The following SERGEF variants were observed in gnomAD, a reference collection of about 807,000 sequenced individuals.
SERGEF encodes the protein secretion-regulating guanine nucleotide exchange factor.
In SERGEF, 51 loss-of-function variants were observed where a neutral mutation model predicts 50.0. The observed-to-expected ratio is 1.02, with a 90% CI of 0.81 to 1.29. SERGEF has a LOEUF of 1.29. SERGEF is among the 50% of genes most tolerant of loss of function. SERGEF has a pLI of 0.00. For synonymous variants in SERGEF, 205 were observed against 212.4 expected (o/e 0.97, Z 0.30); for missense variants, 521 against 557.0 (o/e 0.94, Z 0.65).
At chr11:17,810,316 T>C (rs1257202702) in intron 10 of SERGEF, among the ~76,000 whole-genome samples, 8 of 152,194 alleles carry the variant, frequency 5.3e-5, no homozygotes, top group Non-Finnish European at 1.2e-4. Flanking sequence ...GCCTGGGATC[T>C]GTCTATCCTC....
At chr11:17,883,907 C>G (rs1318811666) in intron 9 of SERGEF, among the ~76,000 whole-genome samples, 4 of 133,342 alleles carry the variant, frequency 3.0e-5, no homozygotes, top group Non-Finnish European at 5.0e-5. Context: ...CGACAGAACG[C>G]CGCCAGATTG....
intron 10 of SERGEF, among the ~76,000 whole-genome samples, chr11:17,804,659 T>C (rs1849726780): frequency 6.6e-6 from 1 of 152,210 alleles, no homozygotes. Flanking sequence ...CTTCTAACAA[T>C]CAAATAATCA....
chr11:17,920,237 A>C (rs1852128615), intron 9 of SERGEF, among the ~76,000 whole-genome samples: 1 of 152,272 alleles, frequency 6.6e-6, no homozygotes, highest in Non-Finnish European at 1.5e-5. Flanking sequence ...ATAGAGCGAG[A>C]CTCTGTCTCA....
chr11:17,802,892 G>C (rs987626242), intron 10 of SERGEF, among the ~76,000 whole-genome samples: 5 of 152,122 alleles, frequency 3.3e-5, no homozygotes, highest in African/African-American at 1.2e-4. Flanking sequence ...ACTTTTGTTT[G>C]TCTGTTTCCC....
intron 8 of SERGEF, among the ~76,000 whole-genome samples, chr11:17,963,786 C>A (rs1246072889): frequency 6.6e-6 from 1 of 152,212 alleles, no homozygotes; most frequent in Non-Finnish European, 1.5e-5. Context: ...TAAGTACATT[C>A]TCTGTACAGT....
intron 5 of SERGEF, among the ~76,000 whole-genome samples, chr11:18,000,018 T>C (rs1853925713): frequency 1.3e-5 from 2 of 152,248 alleles, no homozygotes; most frequent in Non-Finnish European, 2.9e-5. Context: ...TACCTGCTAA[T>C]GTCTTTCCTA....
intron 10 of SERGEF, among the ~76,000 whole-genome samples, chr11:17,840,176 C>T (rs2133861728): frequency 6.6e-6 from 1 of 152,326 alleles, no homozygotes; most frequent in South Asian, 2.1e-4. Context: ...ATGCCAGCTT[C>T]CCCTGAGTGC....
At chr11:17,981,139 C>G (rs962266046) in intron 8 of SERGEF, among the ~76,000 whole-genome samples, 1 of 152,254 alleles carries the variant, frequency 6.6e-6, no homozygotes, top group Non-Finnish European at 1.5e-5. Context: ...GTCACTCCTT[C>G]GGCCCTTGGC....
intron 8 of SERGEF, among the ~76,000 whole-genome samples, chr11:17,962,278 C>A (rs1853019479): frequency 6.6e-6 from 1 of 152,004 alleles, no homozygotes; most frequent in Admixed American, 6.6e-5. Flanking sequence ...ATGTAGAACT[C>A]AGGACTGTAA....
chr11:17,992,086 A>G (rs1210337158), intron 7 of SERGEF, among the ~76,000 whole-genome samples: 1 of 152,236 alleles, frequency 6.6e-6, no homozygotes, highest in East Asian at 1.9e-4. Context: ...TAGACAGTTT[A>G]TACTGTATTG....
chr11:17,815,953 T>C (rs1031669476), intron 10 of SERGEF, among the ~76,000 whole-genome samples: 1 of 152,098 alleles, frequency 6.6e-6, no homozygotes. Flanking sequence ...CAAAAAACAC[T>C]GACCCTCAAA....
intron 9 of SERGEF, among the ~76,000 whole-genome samples, chr11:17,881,581 A>T (rs1851331724): frequency 6.6e-6 from 1 of 152,204 alleles, no homozygotes; most frequent in Non-Finnish European, 1.5e-5. Flanking sequence ...TTTCTAGAAG[A>T]TGCTGTTAAC....
intron 8 of SERGEF, among the ~76,000 whole-genome samples, chr11:17,973,800 G>T (rs902922545): frequency 6.6e-6 from 1 of 152,182 alleles, no homozygotes; most frequent in Non-Finnish European, 1.5e-5. Flanking sequence ...GGTGGACATG[G>T]TCAGGAAGAT....
chr11:17,867,901 G>A (rs935746264), intron 10 of SERGEF, among the ~76,000 whole-genome samples: 3 of 152,156 alleles, frequency 2.0e-5, no homozygotes, highest in Non-Finnish European at 4.4e-5. Context: ...CACAACTGGA[G>A]TGGCTGGGAC....
intron 9 of SERGEF, among the ~76,000 whole-genome samples, chr11:17,889,283 G>A (rs1186621383): frequency 1.3e-5 from 2 of 152,198 alleles, no homozygotes; most frequent in East Asian, 3.8e-4. Flanking sequence ...CCTTATAGCA[G>A]AGAAAGGAGG....
intron 8 of SERGEF, among the ~76,000 whole-genome samples, chr11:17,969,140 G>C (rs1181177689): frequency 2.0e-5 from 3 of 152,164 alleles, no homozygotes; most frequent in African/African-American, 7.2e-5. Context: ...ACCAACATGA[G>C]AGGCTGGACC....
chr11:17,886,469 C>T (rs961523096), intron 9 of SERGEF, among the ~76,000 whole-genome samples: 5 of 151,854 alleles, frequency 3.3e-5, no homozygotes, highest in African/African-American at 7.3e-5. Context: ...AAAATTAGCC[C>T]GGCGTGGTGA....
At chr11:17,803,859 T>G (rs963027455) in intron 10 of SERGEF, among the ~76,000 whole-genome samples, 1 of 152,220 alleles carries the variant, frequency 6.6e-6, no homozygotes, top group Non-Finnish European at 1.5e-5. Flanking sequence ...TTGACACAAG[T>G]TCTAGCCGAG....
At chr11:17,848,720 GA>G (rs1386817368) in intron 10 of SERGEF, among the ~76,000 whole-genome samples, 2 of 152,146 alleles carry the variant, frequency 1.3e-5, no homozygotes, top group Admixed American at 1.3e-4. Flanking sequence ...AAAAGACTAT[GA>G]TGAACATCTT....
Sources: gnomAD v4.1 joint callset for allele counts (sites outside exome capture counted in the v4.1 genomes callset) on GRCh38, gnomAD v4.1.1 for gene constraint, MANE v1.5 for transcripts, NCBI Gene and HGNC (gene_info 2026-07-23, HGNC 2026-07-21) for gene names.